B4GALT1: variants seen among roughly 807,000 people sequenced by gnomAD.
B4GALT1 encodes the protein N-acetyllactosamine synthase.
In B4GALT1, 16 loss-of-function variants were observed where a neutral mutation model predicts 34.9. The observed-to-expected ratio is 0.46, with a 90% CI of 0.31 to 0.70. B4GALT1 has a LOEUF of 0.70. Ranked by LOEUF, B4GALT1 falls within the 30% of genes least tolerant of loss-of-function variation. The pLI, the probability that B4GALT1 is intolerant of heterozygous loss-of-function variation, is 0.05. For missense variants in B4GALT1, 445 were observed against 530.5 expected (o/e 0.84, Z 1.58); for synonymous variants, 221 against 218.1 (o/e 1.01, Z -0.12).
At chr9:33,161,608 A>C (rs909559246) in intron 1 of B4GALT1, among the ~76,000 whole-genome samples, 4 of 152,180 alleles carry the variant, frequency 2.6e-5, no homozygotes, top group African/African-American at 9.7e-5. Flanking sequence ...CTGGCCTTAC[A>C]GTGACCTCAC....
the B4GALT1 span, among the ~76,000 whole-genome samples, chr9:33,175,995 A>C: frequency 4.6e-5 from 7 of 152,140 alleles, no homozygotes; most frequent in Non-Finnish European, 1.0e-4. Flanking sequence ...CACAATAGAC[A>C]CTCCCATTTA....
intron 1 of B4GALT1, among the ~76,000 whole-genome samples, chr9:33,163,961 G>A (rs1840712397): frequency 6.6e-6 from 1 of 152,054 alleles, no homozygotes. Context: ...GGGGCGGGGG[G>A]TACTATGGCT....
Position 33,144,867 on chromosome 9 carries a change from C to T in B4GALT1, c.413-9443G>A, listed in dbSNP as rs1479214815. Among the ~76,000 whole-genome samples the T allele has an allele frequency of 2.6e-5, 4 of 152,176 alleles. No individual in the cohort carries two copies. The East Asian group carries it at 7.7e-4, about 29-fold the overall frequency. On this transcript the variant is annotated intron_variant, in intron 1 of 5. Coordinates refer to ENST00000379731, the MANE Select transcript of B4GALT1 (RefSeq NM_001497.4). ...CTGGGACAGTTCCTGGCAGCAAGAG[C>T]AGCAATCATGTATTGACCCACACTG... is the stretch of plus-strand genomic sequence containing the variant.
chr9:33,135,314 G>A lies in B4GALT1; in HGVS notation c.523C>T (p.Pro175Ser), dbSNP rs1250175585. ...GRYAPRDCVSPHKVAIIIPFR... is the reference protein window; with the variant it reads ...GRYAPRDCVSSHKVAIIIPFR... Reference sequence around the variant, plus strand: ...GGAATGATGATGGCCACCTTGTGAGGAGAGACGCAGTCCCTGGGGGCATAG... The same window carrying A: ...GGAATGATGATGGCCACCTTGTGAGAAGAGACGCAGTCCCTGGGGGCATAG... Residue 175 changes from proline (P) to serine (S), a missense_variant, in exon 2 of 6, where the codon CCT (proline) becomes TCT (serine). Physicochemically the swap from Pro to Ser is moderately conservative, Grantham distance 74. Transcript: ENST00000379731. 6.2e-7 allele frequency: 1 copy of A among 1,614,104 alleles called. No homozygotes were observed. The highest frequency in any genetic ancestry group is 1.3e-5 in the African/African-American group (1 of 74,930).
At position 33,114,843 on chromosome 9, in the gene B4GALT1, C is replaced by T. The variant is rs189520090; in HGVS notation, c.960-965G>A. 1.5e-3 allele frequency among the ~76,000 whole-genome samples: 234 copies of T among 152,238 alleles called. 1 individual carries two copies. Among genetic ancestry groups the T allele is most frequent in the Admixed American group, 2.7e-3 (41 of 15,302 alleles). On this transcript the variant is annotated intron_variant, in intron 4 of 5. Coordinates refer to ENST00000379731, the MANE Select transcript of B4GALT1 (RefSeq NM_001497.4). ...TCCTTTATCTTTCAAGAAAGTTGCT[C>T]CACACACCACCCATCCTTCTAGTGC... is the stretch of plus-strand genomic sequence containing the variant.
the B4GALT1 span, among the ~76,000 whole-genome samples, chr9:33,175,156 T>A: frequency 1.4e-5 from 2 of 146,092 alleles, no homozygotes; most frequent in Middle Eastern, 3.6e-3. Context: ...CTATGAAAAA[T>A]TTTAAAAATT....
chr9:33,117,998 G>A (rs183229214), intron 3 of B4GALT1, among the ~76,000 whole-genome samples: 42 of 152,314 alleles, frequency 2.8e-4, no homozygotes, highest in Middle Eastern at 3.4e-3. Flanking sequence ...AACCTGCCAG[G>A]CTCCTTGTGA....
intron 2 of B4GALT1, among the ~76,000 whole-genome samples, chr9:33,131,639 C>A (rs1840194701): frequency 6.6e-6 from 1 of 152,132 alleles, no homozygotes; most frequent in African/African-American, 2.4e-5. Flanking sequence ...GTCAAAATGA[C>A]AGCAGGGTGT....
chr9:33,147,367 C>G (rs1380507221), intron 1 of B4GALT1, among the ~76,000 whole-genome samples: 1 of 151,924 alleles, frequency 6.6e-6, no homozygotes, highest in Non-Finnish European at 1.5e-5. Context: ...CCCGCCTCAG[C>G]CTCCCAAGTA....
At chr9:33,131,781 A>G (rs890316709) in intron 2 of B4GALT1, among the ~76,000 whole-genome samples, 7 of 152,246 alleles carry the variant, frequency 4.6e-5, no homozygotes, top group Admixed American at 1.3e-4. Context: ...ATATAACCAT[A>G]AAACAGATAA....
chr9:33,167,372 A>AGGGGC (rs1267075549), upstream of B4GALT1: 3 of 407,288 alleles, frequency 7.4e-6, no homozygotes, highest in African/African-American at 7.3e-5. Flanking sequence ...CGGAGAGGGG[A>AGGGGC]GGGGCGGGGC....
the B4GALT1 span, among the ~76,000 whole-genome samples, chr9:33,184,266 A>ACACACG: frequency 6.6e-6 from 1 of 151,590 alleles, no homozygotes; most frequent in South Asian, 2.1e-4. Context: ...ACACACACAC[A>ACACACG]CACACACACA....
intron 2 of B4GALT1, among the ~76,000 whole-genome samples, chr9:33,126,394 T>C (rs530800810): frequency 1.4e-3 from 208 of 152,238 alleles, no homozygotes; most frequent in African/African-American, 4.6e-3. Flanking sequence ...GCTAATAATA[T>C]CTACTCAGCC....
In B4GALT1 at chr9:33,120,555, C is replaced by T. The variant is rs1840006885; in HGVS notation, c.700G>A (p.Glu234Lys). 6.2e-7 allele frequency: 1 copy of T among 1,614,222 alleles called. No homozygotes were observed. Among genetic ancestry groups the T allele is most frequent in the Non-Finnish European group, 8.5e-7 (1 of 1,180,042 alleles). ...GTGTAGTCATAGTCCTTCAAGGCTTCTTGAAAGCCAACATTGAGGAGCTTA... is the reference window on the plus strand; with the variant it reads ...GTGTAGTCATAGTCCTTCAAGGCTTTTTGAAAGCCAACATTGAGGAGCTTA... ...RAKLLNVGFQEALKDYDYTCF... is the reference protein window; with the variant it reads ...RAKLLNVGFQKALKDYDYTCF... Residue 234 changes from glutamate (E) to lysine (K), a missense_variant, in exon 3 of 6, where the codon GAA becomes AAA. Glu to Lys is a moderately conservative substitution (Grantham distance 56, BLOSUM62 1). Transcript: ENST00000379731.
chr9:33,131,236 C>T (rs1455810050), intron 2 of B4GALT1, among the ~76,000 whole-genome samples: 4 of 152,172 alleles, frequency 2.6e-5, no homozygotes, highest in African/African-American at 7.2e-5. Flanking sequence ...GGGTTTGAGC[C>T]GCAGCCCTAC....
rs1564033760 is a variant in B4GALT1, at chr9:33,111,276, A to AAAAAAAAAAAAAAAC, written c.*2177_*2178insGTTTTTTTTTTTTTT. On this transcript the variant is annotated 3_prime_UTR_variant, in exon 6 of 6. Coordinates refer to ENST00000379731, the MANE Select transcript of B4GALT1 (RefSeq NM_001497.4). ...AAAAAAAAAAAAAAAAAAAAAAAAA[A>AAAAAAAAAAAAAAAC]AACAACAAGAAAAGGTAGAGTTTGG... The AAAAAAAAAAAAAAAC allele has an allele frequency of 4.1e-4, 43 of 106,010 alleles. No homozygotes were observed. The highest frequency in any genetic ancestry group is 7.1e-4 in the Non-Finnish European group (35 of 49,218). The allele number at this position is 106,010 out of a possible 1,614,324, so 6.6% of individuals were successfully genotyped here.
intron 2 of B4GALT1, among the ~76,000 whole-genome samples, chr9:33,122,087 T>C (rs1243143880): frequency 6.6e-6 from 1 of 152,174 alleles, no homozygotes; most frequent in Admixed American, 6.5e-5. Context: ...GGAATCCTCA[T>C]TCAATGCTCT....
rs369183240 is a variant in B4GALT1 at position 33,114,283 on chromosome 9, G to T, written c.960-405C>A. On this transcript the variant is annotated intron_variant, in intron 4 of 5. Coordinates refer to ENST00000379731, the MANE Select transcript of B4GALT1 (RefSeq NM_001497.4). ...GCCTAGGCAGAGCCCAGTTGAGGAT[G>T]AACAGGTATCTGCCATAGCATTTTG... Among the ~76,000 whole-genome samples the T allele has an allele frequency of 7.3e-4, 111 of 152,364 alleles. 3 individuals carry two copies. The South Asian group carries it at 0.023, about 31-fold the overall frequency.
intron 1 of B4GALT1, among the ~76,000 whole-genome samples, chr9:33,156,336 G>A (rs2071123848): frequency 6.6e-6 from 1 of 152,176 alleles, no homozygotes; most frequent in African/African-American, 2.4e-5. Flanking sequence ...GTTTCACCAT[G>A]TTGGCCAGGC....
Sources: allele counts gnomAD v4.1 joint callset (sites outside exome capture counted in the v4.1 genomes callset), GRCh38; gene constraint gnomAD v4.1.1; transcripts MANE v1.5; gene names NCBI Gene and HGNC (gene_info 2026-07-23, HGNC 2026-07-21).